Variants in COL4A3 observed in about 807,000 individuals in gnomAD.
The protein encoded by COL4A3 is collagen type IV alpha 3 chain, also known as collagen alpha-3(IV) chain.
COL4A3 carries 135 observed loss-of-function variants against 217.4 expected under a neutral mutation model. The ratio of observed to expected loss-of-function variants is 0.62; its 90% CI spans 0.54 to 0.72. The LOEUF is 0.72. Ranked by LOEUF, COL4A3 falls within the 30% of genes least tolerant of loss-of-function variation. COL4A3 has a pLI of 0.00. For missense variants in COL4A3, 1,868 were observed against 2,119.9 expected (o/e 0.88, Z 2.33); for synonymous variants, 690 against 736.3 (o/e 0.94, Z 1.02).
At chr2:227,229,767 G>T (rs1224480148) in intron 1 of COL4A3, among the ~76,000 whole-genome samples, 1 of 152,088 alleles carries the variant, frequency 6.6e-6, no homozygotes, top group African/African-American at 2.4e-5. Flanking sequence ...GAAATTTCCC[G>T]GCCGGGCGCG....
intron 43 of COL4A3, among the ~76,000 whole-genome samples, chr2:227,302,342 C>T (rs907839566): frequency 2.0e-5 from 3 of 152,120 alleles, no homozygotes; most frequent in South Asian, 2.1e-4. Context: ...AACTCAACAA[C>T]GGTTTTGTTG....
intron 1 of COL4A3, among the ~76,000 whole-genome samples, chr2:227,225,635 A>T (rs556382263): frequency 3.4e-5 from 5 of 148,922 alleles, no homozygotes; most frequent in Admixed American, 3.3e-4. Flanking sequence ...AACGAGGTAG[A>T]GATTTTTTTT....
Position 227,298,804 on chromosome 2 carries a change from G to T in COL4A3, c.3874G>T (p.Gly1292Cys). 1 of 1,613,708 alleles carries T rather than the reference G, an allele frequency of 6.2e-7. No homozygotes were observed. Among genetic ancestry groups the T allele is most frequent in the East Asian group, 2.2e-5 (1 of 44,876 alleles). ...PGTAGDMGPP[G>C]RLGAPGTPGL... Reference sequence around the variant, plus strand: ...AACTGCAGGAGACATGGGACCACCAGGTCGTCTGGTGAGTATGGATAATTA... The same window carrying T: ...AACTGCAGGAGACATGGGACCACCATGTCGTCTGGTGAGTATGGATAATTA... Residue 1292 changes from glycine (G) to cysteine (C), a missense_variant, in exon 43 of 52, where the codon GGT becomes TGT. Gly to Cys is a radical substitution (Grantham distance 159). This residue lies in a region of COL4A3 where 1,503 missense variants were observed against 1,786.1 expected (regional missense o/e 0.84). Coordinates refer to ENST00000396578, the MANE Select transcript of COL4A3 (RefSeq NM_000091.5).
chr2:227,251,439 G>T, intron 11 of COL4A3, 68 bp downstream of exon 11: 1 of 1,472,166 alleles, frequency 6.8e-7, no homozygotes, highest in South Asian at 1.2e-5. Flanking sequence ...AACCTGGTCT[G>T]CTTCTTCATG....
At chr2:227,296,002 T>G (rs1351828279) in intron 41 of COL4A3, among the ~76,000 whole-genome samples, 1 of 152,196 alleles carries the variant, frequency 6.6e-6, no homozygotes, top group Non-Finnish European at 1.5e-5. Context: ...ACGCGTCCTA[T>G]GAATGGGAGC....
intron 1 of COL4A3, among the ~76,000 whole-genome samples, chr2:227,172,926 C>A (rs2065543810): frequency 6.6e-6 from 1 of 152,136 alleles, no homozygotes; most frequent in Admixed American, 6.5e-5. Context: ...ATCATGAAGA[C>A]CCCACCCTCG....
intron 1 of COL4A3, among the ~76,000 whole-genome samples, chr2:227,188,865 G>A (rs1160802982): frequency 2.0e-5 from 3 of 152,210 alleles, no homozygotes; most frequent in Non-Finnish European, 4.4e-5. Context: ...ATAGCTTCCA[G>A]TATAGTAAGA....
At chr2:227,188,688 C>A (rs1015121160) in intron 1 of COL4A3, among the ~76,000 whole-genome samples, 1 of 152,158 alleles carries the variant, frequency 6.6e-6, no homozygotes, top group South Asian at 2.1e-4. Context: ...TATATGCAAG[C>A]GGAATATAAC....
intron 43 of COL4A3, 149 bp from the exon 44 acceptor site, chr2:227,302,889 T>A: frequency 3.1e-6 from 2 of 646,834 alleles, no homozygotes. Flanking sequence ...AGTTATAGCC[T>A]TGATTGAAAG....
intron 50 of COL4A3, 82 bp from the exon 51 acceptor site, chr2:227,310,694 T>C (rs1484390831): frequency 1.7e-6 from 2 of 1,149,952 alleles, no homozygotes; most frequent in African/African-American, 3.1e-5. Flanking sequence ...AGTTGCCCAT[T>C]CATTCAAAAA....
chr2:227,256,160 A>G lies in COL4A3; in HGVS notation c.933+90A>G, dbSNP rs899248258. The G allele has an allele frequency of 7.3e-6, 10 of 1,369,808 alleles. No homozygotes were observed. In the African/African-American group the frequency reaches 1.2e-4, roughly 16 times the overall value. 84.9% of individuals were successfully genotyped at this position (1,369,808 alleles called of 1,614,324 possible). ...TTTTAAAATCACTAAATAGTTATAA[A>G]CAAACAAAAAGCTTACAGCTTTTAA... On this transcript the variant is annotated intron_variant, in intron 16 of 51. Coordinates refer to ENST00000396578, the MANE Select transcript of COL4A3 (RefSeq NM_000091.5).
intron 1 of COL4A3, among the ~76,000 whole-genome samples, chr2:227,235,408 T>C (rs1280885393): frequency 1.3e-5 from 2 of 152,210 alleles, no homozygotes; most frequent in African/African-American, 4.8e-5. Flanking sequence ...TATGCAACTT[T>C]GAGGAGACTA....
At chr2:227,218,063 A>AGTT (rs1559836052) in intron 1 of COL4A3, among the ~76,000 whole-genome samples, 17 of 107,826 alleles carry the variant, frequency 1.6e-4, no homozygotes, top group Admixed American at 2.5e-4. Flanking sequence ...CTATATATAA[A>AGTT]ATAACTATAT....
intron 1 of COL4A3, chr2:227,227,743 C>A (rs12617010): frequency 0.33 from 49,493 of 151,780 alleles, 8,206 homozygotes; most frequent in East Asian, 0.37. Context: ...TATGAGACAG[C>A]CAGCACTGAA....
intron 1 of COL4A3, among the ~76,000 whole-genome samples, chr2:227,214,391 G>GAGA (rs2067448187): frequency 6.6e-6 from 1 of 152,140 alleles, no homozygotes; most frequent in Non-Finnish European, 1.5e-5. Context: ...GTTATATATA[G>GAGA]AGAAGCCTTC....
rs1553751598 is a variant in COL4A3 at position 227,249,212 on chromosome 2, GTA to G, written c.546+710_546+711del. On this transcript the variant is annotated intron_variant, in intron 9 of 51. Transcript: ENST00000396578. ...AATTATATATAACCAAAATTAGCTA[GTA>G]TATATATATATATATATTTTTTTTT... 8.3e-3 allele frequency among the ~76,000 whole-genome samples: 275 copies of G among 33,218 alleles called. 42 individuals are homozygous for G. The highest frequency in any genetic ancestry group is 0.022 in the African/African-American group (215 of 9,604). 21.8% of individuals were successfully genotyped at this position (33,218 alleles called of 152,430 possible). A position where few individuals can be genotyped will look rare whatever the true frequency, so the allele number is the denominator to read the frequency against.
intron 3 of COL4A3, among the ~76,000 whole-genome samples, chr2:227,240,838 C>T (rs1207421787): frequency 2.0e-5 from 3 of 152,154 alleles, no homozygotes; most frequent in Admixed American, 2.0e-4. Context: ...CAATAATTTG[C>T]CTTCTACCAC....
At chr2:227,277,029 T>A (rs947848178) in intron 27 of COL4A3, among the ~76,000 whole-genome samples, 3 of 152,066 alleles carry the variant, frequency 2.0e-5, no homozygotes, top group African/African-American at 7.2e-5. Flanking sequence ...GTGTTAAAAA[T>A]TTTTTCTTGG....
At chr2:227,166,859 G>A (rs2065296955) in intron 1 of COL4A3, among the ~76,000 whole-genome samples, 1 of 152,134 alleles carries the variant, frequency 6.6e-6, no homozygotes, top group Non-Finnish European at 1.5e-5. Flanking sequence ...TCTGCTGTTG[G>A]GCAAGGCTGT....
Sources: allele counts gnomAD v4.1 joint callset (sites outside exome capture counted in the v4.1 genomes callset), GRCh38; gene constraint gnomAD v4.1.1; regional missense constraint gnomAD v4.1.1; transcripts MANE v1.5; gene names NCBI Gene and HGNC (gene_info 2026-07-23, HGNC 2026-07-21).